ZNF713: variants seen among roughly 807,000 people sequenced by gnomAD.
The protein encoded by ZNF713 is zinc finger protein 713.
ZNF713 carries 21 observed loss-of-function variants against 28.7 expected under a neutral mutation model. The ratio of observed to expected loss-of-function variants is 0.73; its 90% confidence interval spans 0.52 to 1.05. The LOEUF is 1.05. Ranked by LOEUF, ZNF713 falls within the 50% of genes least tolerant of loss-of-function variation. The pLI is 0.00. For missense variants in ZNF713, 458 were observed against 532.4 expected, an observed-to-expected ratio of 0.86 and a Z score of 1.37; for synonymous variants, 167 against 178.0, an observed-to-expected ratio of 0.94 and a Z score of 0.49.
intron 6 of ZNF713, 92 bp from the exon 7 acceptor site, chr7:55,938,890 A>G: frequency 7.5e-7 from 1 of 1,337,882 alleles, no homozygotes; most frequent in Non-Finnish European, 1.0e-6. Flanking sequence ...TGTCAGTTTT[A>G]TTTGGTAATT....
chr7:55,920,836 G>A (rs1469473032), intron 4 of ZNF713, among the ~76,000 whole-genome samples: 1 of 151,986 alleles, frequency 6.6e-6, no homozygotes, highest in Non-Finnish European at 1.5e-5. Flanking sequence ...GGCCAGGCTG[G>A]TCTCGAGCTC....
intron 6 of ZNF713, among the ~76,000 whole-genome samples, chr7:55,936,529 A>G (rs556012646): frequency 1.4e-4 from 22 of 152,184 alleles, no homozygotes; most frequent in African/African-American, 5.1e-4. Flanking sequence ...CAAGGGGACC[A>G]CTCTGGCACC....
intron 4 of ZNF713, 83 bp from the exon 5 acceptor site, chr7:55,923,079 C>A (rs1786023383): frequency 2.1e-6 from 3 of 1,449,626 alleles, no homozygotes; most frequent in Admixed American, 4.7e-5. Flanking sequence ...CTTAGATAAC[C>A]TGGTGCTACA....
At position 55,923,154 on chromosome 7, in the gene ZNF713, T is replaced by TGTTTCAGGAATCACTGAC; in HGVS notation, c.90_107dup. ...TTTGCCTGAGCAGGGATGTGCTTGA[T>TGTTTCAGGAATCACTGAC]GTTTCAGGAATCACTGACGTTTCAG... On this transcript the variant is annotated splice_region_variant and splice_polypyrimidine_tract_variant and intron_variant, in intron 4 of 6. Transcript: ENST00000429591. 1.2e-6 allele frequency: 2 copies of TGTTTCAGGAATCACTGAC among 1,610,256 alleles called. No individual in the cohort carries two copies. Among genetic ancestry groups the TGTTTCAGGAATCACTGAC allele is most frequent in the African/African-American group, 1.3e-5 (1 of 74,750 alleles).
chr7:55,936,971 A>G (rs1786361409), intron 6 of ZNF713, among the ~76,000 whole-genome samples: 1 of 152,152 alleles, frequency 6.6e-6, no homozygotes, highest in Non-Finnish European at 1.5e-5. Context: ...CCCTCCACAC[A>G]GTCCCTAATC....
At position 55,898,321 on chromosome 7, in the gene ZNF713, G is replaced by A. The variant is rs948679868; in HGVS notation, c.-582-7932G>A. Among the ~76,000 whole-genome samples the A allele has an allele frequency of 2.6e-5, 4 of 152,296 alleles. No homozygotes were observed. The South Asian group carries it at 6.2e-4, about 24-fold the overall frequency. On this transcript the variant is annotated intron_variant, in intron 1 of 6. Coordinates refer to ENST00000429591, the MANE Select transcript of ZNF713 (RefSeq NM_182633.3). The stretch of plus-strand genomic sequence containing the variant: ...GGATTGGGAGAAAATGTTTGCAAAC[G>A]ATACATCTGATATGGGACTGTATTA...
At chr7:55,929,054 A>G (rs565337493) in intron 6 of ZNF713, among the ~76,000 whole-genome samples, 4 of 152,120 alleles carry the variant, frequency 2.6e-5, no homozygotes, top group African/African-American at 7.2e-5. Context: ...AGGAGGATCA[A>G]TTGAGCCCTG....
intron 4 of ZNF713, among the ~76,000 whole-genome samples, chr7:55,919,045 C>T (rs185387599): frequency 5.3e-5 from 8 of 151,408 alleles, no homozygotes; most frequent in South Asian, 2.1e-4. Flanking sequence ...ATGAACTCAA[C>T]GATCTACTAA....
chr7:55,926,411 C>T (rs1562746146), intron 6 of ZNF713, among the ~76,000 whole-genome samples: 1 of 152,164 alleles, frequency 6.6e-6, no homozygotes, highest in Non-Finnish European at 1.5e-5. Context: ...GTTTTTTTCA[C>T]ATCTCTTATC....
rs1378157725 is a variant in ZNF713 at position 55,939,548 on chromosome 7, G to A, written c.874G>A (p.Gly292Arg). The A allele has an allele frequency of 1.2e-6, 2 of 1,613,530 alleles. No individual in the cohort carries two copies. Among genetic ancestry groups the A allele is most frequent in the Middle Eastern group, 1.7e-4 (1 of 6,052 alleles). The change falls in exon 7 of 7, where the codon GGA (glycine) becomes AGA (arginine). Residue 292 changes from glycine to arginine, a missense_variant. Transcript: ENST00000429591. Reference protein sequence around the residue: ...GEKPYKCDECGKRFSQRIHLI... With the variant: ...GEKPYKCDECRKRFSQRIHLI... ...GAAGCCCTATAAGTGTGATGAATGT[G>A]GAAAAAGATTCAGCCAGAGGATACA...
intron 1 of ZNF713, among the ~76,000 whole-genome samples, chr7:55,904,019 AAG>A (rs1480038038): frequency 6.6e-6 from 1 of 152,044 alleles, no homozygotes. Context: ...ACAGAGGAAA[AAG>A]AGTAGATCTT....
intron 4 of ZNF713, among the ~76,000 whole-genome samples, chr7:55,917,667 T>C (rs1785909869): frequency 6.6e-6 from 1 of 150,492 alleles, no homozygotes; most frequent in African/African-American, 2.5e-5. Flanking sequence ...TTTGCACCAC[T>C]GCACTCCAGC....
chr7:55,910,696 A>G (rs148730977), intron 2 of ZNF713, among the ~76,000 whole-genome samples: 69 of 152,156 alleles, frequency 4.5e-4, no homozygotes, highest in African/African-American at 1.6e-3. Flanking sequence ...GGGCCTCATC[A>G]TGTTGCCCTA....
At chr7:55,888,080 C>A (rs953133010) in intron 1 of ZNF713, among the ~76,000 whole-genome samples, 3 of 152,016 alleles carry the variant, frequency 2.0e-5, no homozygotes, top group Non-Finnish European at 2.9e-5. Context: ...GAAAAACTTG[C>A]AGTTTATTTT....
chr7:55,888,972 G>A (rs1785330058), intron 1 of ZNF713, among the ~76,000 whole-genome samples: 1 of 151,994 alleles, frequency 6.6e-6, no homozygotes, highest in Non-Finnish European at 1.5e-5. Context: ...AGATGGCTTT[G>A]GCCCAGGAGA....
intron 6 of ZNF713, among the ~76,000 whole-genome samples, chr7:55,927,235 G>A (rs1283482111): frequency 2.0e-5 from 3 of 152,142 alleles, no homozygotes; most frequent in African/African-American, 4.8e-5. Flanking sequence ...AAAAGGTAGT[G>A]TCAAAACAGG....
Position 55,899,823 on chromosome 7 carries a change from C to T in ZNF713, c.-582-6430C>T, listed in dbSNP as rs1176489048. On this transcript the variant is annotated intron_variant, in intron 1 of 6. Coordinates refer to ENST00000429591, the MANE Select transcript of ZNF713 (RefSeq NM_182633.3). ...GTGGCACGATCTCAGCTCACTGCAA[C>T]CTCTGTCTCCCAGGTTCAAGTGATT... Among the ~76,000 whole-genome samples, 5 of 152,004 alleles carry T rather than the reference C, an allele frequency of 3.3e-5. No individual in the cohort carries two copies. In the East Asian group the frequency reaches 9.8e-4, roughly 30 times the overall value.
chr7:55,894,340 C>G (rs1785437091), intron 1 of ZNF713, among the ~76,000 whole-genome samples: 1 of 152,130 alleles, frequency 6.6e-6, no homozygotes, highest in Non-Finnish European at 1.5e-5. Context: ...TTTATACTAC[C>G]TTCTGTCTAA....
chr7:55,938,133 G>A (rs1199087508), intron 6 of ZNF713, among the ~76,000 whole-genome samples: 1 of 152,014 alleles, frequency 6.6e-6, no homozygotes, highest in African/African-American at 2.4e-5. Context: ...GAACCCGGGA[G>A]GTGGAGGTTG....
Sources: gnomAD v4.1 joint callset for allele counts (sites outside exome capture counted in the v4.1 genomes callset) on GRCh38, gnomAD v4.1.1 for gene constraint, MANE v1.5 for transcripts, NCBI Gene and HGNC (gene_info 2026-07-23, HGNC 2026-07-21) for gene names.